The following NFYC variants were observed in gnomAD, a reference collection of about 807,000 sequenced individuals.
NFYC encodes nuclear transcription factor Y subunit gamma, also known as CAAT box DNA-binding protein subunit C.
Under a neutral mutation model 53.1 loss-of-function variants are expected in NFYC, and 25 were observed. That is an observed-to-expected ratio of 0.47 (90% CI 0.34 to 0.66). NFYC has a LOEUF of 0.66. Ranked by LOEUF, NFYC falls within the 30% of genes least tolerant of loss-of-function variation. NFYC has a pLI of 0.01. For missense variants in NFYC, 260 were observed against 422.7 expected (o/e 0.62, Z 3.38); for synonymous variants, 145 against 152.6 (o/e 0.95, Z 0.37).
intron 1 of NFYC, among the ~76,000 whole-genome samples, chr1:40,700,514 T>A (rs957559356): frequency 6.6e-6 from 1 of 151,966 alleles, no homozygotes; most frequent in East Asian, 1.9e-4. Context: ...CCCAGCTAAT[T>A]TTTTTATTGT....
intron 5 of NFYC, among the ~76,000 whole-genome samples, chr1:40,755,675 A>T (rs1646174960): frequency 6.6e-6 from 1 of 152,192 alleles, no homozygotes; most frequent in Non-Finnish European, 1.5e-5. Flanking sequence ...AGAGCCTTAG[A>T]TATGCCTTCT....
chr1:40,741,751 C>T (rs1055956732), intron 2 of NFYC, among the ~76,000 whole-genome samples: 15 of 151,782 alleles, frequency 9.9e-5, no homozygotes, highest in South Asian at 6.2e-4. Flanking sequence ...TACAGGTGCA[C>T]GCCACCACAC....
chr1:40,734,537 T>A (rs1440447368), intron 1 of NFYC, among the ~76,000 whole-genome samples: 4 of 151,886 alleles, frequency 2.6e-5, no homozygotes, highest in African/African-American at 9.7e-5. Flanking sequence ...ATTTTTGCAT[T>A]TTTAGTAGAG....
intron 1 of NFYC, among the ~76,000 whole-genome samples, chr1:40,706,843 T>G (rs1446435392): frequency 6.6e-6 from 1 of 152,084 alleles, no homozygotes; most frequent in Non-Finnish European, 1.5e-5. Flanking sequence ...ACTTATAATA[T>G]CTCTTCTGAG....
intron 1 of NFYC, 150 bp downstream of exon 1, chr1:40,692,017 T>C (rs950829087): frequency 4.2e-6 from 1 of 238,020 alleles, no homozygotes; most frequent in African/African-American, 2.4e-5. Flanking sequence ...CATGTTGTGC[T>C]CTTGCCTGGC....
At chr1:40,719,443 A>G (rs1644255888) in intron 1 of NFYC, among the ~76,000 whole-genome samples, 1 of 152,214 alleles carries the variant, frequency 6.6e-6, no homozygotes, top group Non-Finnish European at 1.5e-5. Context: ...TGAATTATAG[A>G]GAAAGGATAG....
chr1:40,749,722 A>G, intron 4 of NFYC, 36 bp downstream of exon 4: 1 of 1,542,878 alleles, frequency 6.5e-7, no homozygotes, highest in Non-Finnish European at 9.0e-7. Context: ...AAACTGGGGT[A>G]AGCAGCAGCC....
chr1:40,711,699 A>G (rs911301964), intron 1 of NFYC, among the ~76,000 whole-genome samples: 1 of 152,216 alleles, frequency 6.6e-6, no homozygotes, highest in Admixed American at 6.5e-5. Context: ...CAGCCAGATA[A>G]ATGTTTACTA....
At chr1:40,740,362 G>A (rs980520785) in intron 2 of NFYC, among the ~76,000 whole-genome samples, 6 of 152,168 alleles carry the variant, frequency 3.9e-5, no homozygotes, top group Admixed American at 3.3e-4. Context: ...GGATCATTGC[G>A]CTCATGGAAC....
chr1:40,728,728 C>G (rs1033993922), intron 1 of NFYC, among the ~76,000 whole-genome samples: 1 of 152,170 alleles, frequency 6.6e-6, no homozygotes, highest in African/African-American at 2.4e-5. Context: ...ACCTCTGCCT[C>G]CTGGGTTTAA....
chr1:40,715,809 AAAG>A (rs1301246677), intron 1 of NFYC, among the ~76,000 whole-genome samples: 1 of 152,230 alleles, frequency 6.6e-6, no homozygotes, highest in Non-Finnish European at 1.5e-5. Flanking sequence ...AGGAAGAACT[AAAG>A]AAAAAAAAAC....
chr1:40,741,497 G>A (rs1014372065), intron 2 of NFYC, among the ~76,000 whole-genome samples: 14 of 152,030 alleles, frequency 9.2e-5, no homozygotes, highest in African/African-American at 3.1e-4. Flanking sequence ...TAACCCCATT[G>A]TAAGTAGAAC....
intron 1 of NFYC, among the ~76,000 whole-genome samples, chr1:40,738,306 C>T (rs1645163713): frequency 6.6e-6 from 1 of 152,194 alleles, no homozygotes; most frequent in South Asian, 2.1e-4. Flanking sequence ...TAGCTGGAAC[C>T]ACAGGCATGC....
At chr1:40,710,458 G>T (rs1643894560) in intron 1 of NFYC, among the ~76,000 whole-genome samples, 3 of 152,150 alleles carry the variant, frequency 2.0e-5, no homozygotes, top group Admixed American at 2.0e-4. Flanking sequence ...GCTAATGTAG[G>T]TTGCTAATCA....
intron 6 of NFYC, among the ~76,000 whole-genome samples, chr1:40,759,751 TG>T (rs1646442982): frequency 6.6e-6 from 1 of 151,440 alleles, no homozygotes; most frequent in Non-Finnish European, 1.5e-5. Context: ...TGGGAAAGGG[TG>T]GTATTGCCAG....
At chr1:40,755,302 C>T (rs1285180263) in intron 5 of NFYC, among the ~76,000 whole-genome samples, 2 of 152,200 alleles carry the variant, frequency 1.3e-5, no homozygotes, top group Non-Finnish European at 2.9e-5. Context: ...TTGGGGAGGC[C>T]ACTGCTAAAG....
chr1:40,737,331 TA>T, intron 1 of NFYC, among the ~76,000 whole-genome samples: 1 of 101,500 alleles, frequency 9.9e-6, no homozygotes, highest in African/African-American at 4.4e-5. Flanking sequence ...ATTTTAATTC[TA>T]CTTTTTTTTT....
At chr1:40,702,535 G>A (rs532843520) in intron 1 of NFYC, among the ~76,000 whole-genome samples, 3 of 151,788 alleles carry the variant, frequency 2.0e-5, no homozygotes, top group African/African-American at 2.4e-5. Flanking sequence ...GTAGTGGTGG[G>A]GTTTCACCAT....
chr1:40,702,268 A>G (rs560790113), intron 1 of NFYC, among the ~76,000 whole-genome samples: 2 of 151,806 alleles, frequency 1.3e-5, no homozygotes, highest in South Asian at 2.1e-4. Flanking sequence ...CACCAGTGCA[A>G]TGTTCCTTTA....
Sources: gnomAD v4.1 joint callset for allele counts (sites outside exome capture counted in the v4.1 genomes callset) on GRCh38, gnomAD v4.1.1 for gene constraint, MANE v1.5 for transcripts, NCBI Gene and HGNC (gene_info 2026-07-23, HGNC 2026-07-21) for gene names.